The following CCDC122 variants were observed in gnomAD, a reference collection of about 807,000 sequenced individuals.
CCDC122 encodes coiled-coil domain-containing protein 122.
CCDC122 carries 38 observed loss-of-function variants against 37.0 expected under a neutral mutation model. That is an observed-to-expected ratio of 1.03 (90% CI 0.79 to 1.35). The LOEUF is 1.35. Ranked by LOEUF, CCDC122 falls within the 40% of genes most tolerant of loss-of-function variation. CCDC122 has a pLI of 0.00. For synonymous variants in CCDC122, 83 were observed against 95.6 expected (o/e 0.87, Z 0.77); for missense variants, 305 against 310.0 (o/e 0.98, Z 0.12).
chr13:43,846,628 T>C (rs1953546037), intron 6 of CCDC122, among the ~76,000 whole-genome samples: 1 of 152,214 alleles, frequency 6.6e-6, no homozygotes, highest in African/African-American at 2.4e-5. Context: ...TACAGATGTC[T>C]TTACTCCTAA....
At chr13:43,857,605 T>C (rs9533657) in intron 6 of CCDC122, among the ~76,000 whole-genome samples, 1 of 152,052 alleles carries the variant, frequency 6.6e-6, no homozygotes, top group Non-Finnish European at 1.5e-5. Flanking sequence ...CTTTTTTTCA[T>C]TAATAATTTT....
At chr13:43,858,686 T>C (rs990908810) in intron 6 of CCDC122, 95 bp downstream of exon 6, 39 of 879,806 alleles carry the variant, frequency 4.4e-5, no homozygotes, top group Non-Finnish European at 5.4e-5. Context: ...TTCAACTGTT[T>C]TGAGTATTGA....
intron 5 of CCDC122, among the ~76,000 whole-genome samples, 181 bp from the exon 6 acceptor site, chr13:43,859,078 T>G (rs1954022606): frequency 6.6e-6 from 1 of 152,120 alleles, no homozygotes; most frequent in Non-Finnish European, 1.5e-5. Context: ...CAAAGAAACC[T>G]TACATTTGAC....
At chr13:43,872,171 C>T (rs922216278) in intron 2 of CCDC122, among the ~76,000 whole-genome samples, 1 of 151,764 alleles carries the variant, frequency 6.6e-6, no homozygotes, top group South Asian at 2.1e-4. Context: ...GCTGTTTAAC[C>T]CCGCAAGACT....
chr13:43,835,577 T>TAAGGA (rs1826800319), downstream of CCDC122, among the ~76,000 whole-genome samples: 2 of 152,212 alleles, frequency 1.3e-5, no homozygotes, highest in Non-Finnish European at 1.5e-5. Flanking sequence ...AAAACTTACT[T>TAAGGA]TTAAAAATAG....
chr13:43,822,375 C>T (rs77933752), downstream of CCDC122, among the ~76,000 whole-genome samples: 1 of 152,358 alleles, frequency 6.6e-6, no homozygotes, highest in East Asian at 1.9e-4. Context: ...TGGGACTGCA[C>T]CAATTCAGAC....
intron 3 of CCDC122, among the ~76,000 whole-genome samples, chr13:43,827,018 C>T (rs1953047128): frequency 6.6e-6 from 1 of 152,132 alleles, no homozygotes; most frequent in Admixed American, 6.5e-5. Context: ...CCCAGACAGT[C>T]CCACTTGGTT....
downstream of CCDC122, among the ~76,000 whole-genome samples, chr13:43,821,513 T>C (rs1445458000): frequency 1.3e-5 from 2 of 152,224 alleles, no homozygotes; most frequent in Non-Finnish European, 2.9e-5. Flanking sequence ...CGTAAGCCAC[T>C]AGGCCTGGCC....
chr13:43,819,518 A>G (rs1249230137), downstream of CCDC122, among the ~76,000 whole-genome samples: 1 of 152,174 alleles, frequency 6.6e-6, no homozygotes, highest in Non-Finnish European at 1.5e-5. Flanking sequence ...AGAAATTAGG[A>G]AGACCTCTAT....
downstream of CCDC122, among the ~76,000 whole-genome samples, chr13:43,831,640 G>A (rs1301238529): frequency 6.6e-6 from 1 of 152,142 alleles, no homozygotes; most frequent in Non-Finnish European, 1.5e-5. Context: ...ACTACTTTGT[G>A]CTATGTGAGT....
intron 3 of CCDC122, among the ~76,000 whole-genome samples, chr13:43,825,769 C>CAAAAA (rs58173578): frequency 2.2e-4 from 16 of 73,484 alleles, no homozygotes; most frequent in African/African-American, 7.4e-4. Flanking sequence ...GACTCCGTCT[C>CAAAAA]AAAAAAAAAA....
At chr13:43,872,466 T>C (rs1308015750) in intron 2 of CCDC122, among the ~76,000 whole-genome samples, 1 of 152,158 alleles carries the variant, frequency 6.6e-6, no homozygotes, top group Admixed American at 6.5e-5. Flanking sequence ...CCAAGTTATG[T>C]AGATGATTGT....
chr13:43,840,466 T>C (rs1246326327), intron 6 of CCDC122, among the ~76,000 whole-genome samples: 1 of 152,078 alleles, frequency 6.6e-6, no homozygotes, highest in African/African-American at 2.4e-5. Context: ...GCCATGTTGG[T>C]TTGCTGCACC....
chr13:43,850,285 C>T (rs1019861152), intron 6 of CCDC122, among the ~76,000 whole-genome samples: 19 of 152,110 alleles, frequency 1.2e-4, no homozygotes, highest in African/African-American at 3.4e-4. Context: ...TAAAAAATGG[C>T]TCATAACACC....
chr13:43,834,579 C>A (rs1286668738), downstream of CCDC122, among the ~76,000 whole-genome samples: 1 of 152,168 alleles, frequency 6.6e-6, no homozygotes, highest in African/African-American at 2.4e-5. Flanking sequence ...GGGCTAATAT[C>A]CAGAATCTAC....
In CCDC122 at chr13:43,830,187, T is replaced by C. The variant is rs201168227; in HGVS notation, n.602-6176A>G. 3.5e-3 allele frequency among the ~76,000 whole-genome samples: 535 copies of C among 152,300 alleles called. 3 individuals carry two copies. The highest frequency in any genetic ancestry group is 0.026 in the South Asian group (125 of 4,814). ...CACCGCGCCCAACCTGGCTTGCTTT[T>C]CTATTTAAAGCAAATAAATCATGTC... is the stretch of plus-strand genomic sequence containing the variant. On this transcript the variant is annotated intron_variant and non_coding_transcript_variant, in intron 3 of 3. Transcript: ENST00000470137.
In CCDC122 at chr13:43,876,985, C is replaced by T. The variant is rs151120466; in HGVS notation, c.-199-2058G>A. Among the ~76,000 whole-genome samples, 43 of 152,266 alleles carry T rather than the reference C, an allele frequency of 2.8e-4. No homozygotes were observed. The East Asian group carries it at 8.3e-3, about 29-fold the overall frequency. On this transcript the variant is annotated intron_variant, in intron 1 of 6. Transcript: ENST00000444614. ...AATTAGCCGGGCGTGGTGGTGCACGCCTGTAATCCTAGCTACTTGGGAGGC... is the reference window on the plus strand; with the variant it reads ...AATTAGCCGGGCGTGGTGGTGCACGTCTGTAATCCTAGCTACTTGGGAGGC...
chr13:43,844,821 T>C (rs1953466518), intron 6 of CCDC122, among the ~76,000 whole-genome samples: 1 of 152,156 alleles, frequency 6.6e-6, no homozygotes, highest in Non-Finnish European at 1.5e-5. Context: ...TGTATCTTTT[T>C]CCTTTTTTTA....
At chr13:43,861,060 G>C (rs1954087930) in intron 4 of CCDC122, among the ~76,000 whole-genome samples, 1 of 152,164 alleles carries the variant, frequency 6.6e-6, no homozygotes. Flanking sequence ...TGGCTAGGTG[G>C]TTCTGCTGAT....
Sources: allele counts gnomAD v4.1 joint callset (sites outside exome capture counted in the v4.1 genomes callset), GRCh38; gene constraint gnomAD v4.1.1; transcripts MANE v1.5; gene names NCBI Gene and HGNC (gene_info 2026-07-23, HGNC 2026-07-21).